MDGA2: variants seen among roughly 807,000 people sequenced by gnomAD.
MDGA2 encodes MAM domain-containing glycosylphosphatidylinositol anchor protein 2.
A neutral mutation model predicts 117.8 loss-of-function variants in MDGA2; 40 were observed. The observed-to-expected ratio is 0.34, with a 90% CI of 0.26 to 0.44. The LOEUF (loss-of-function observed/expected upper bound fraction) is 0.44. Among genes scored for constraint, MDGA2 ranks in the 20% least tolerant of loss-of-function variants. The pLI is 1.00. For synonymous variants in MDGA2, 452 were observed against 439.0 expected, an observed-to-expected ratio of 1.03 and a Z score of -0.37; for missense variants, 1,123 against 1,250.6, an observed-to-expected ratio of 0.90 and a Z score of 1.54.
At chr14:47,378,371 G>A (rs750089224) in intron 1 of MDGA2, among the ~76,000 whole-genome samples, 4 of 152,160 alleles carry the variant, frequency 2.6e-5, no homozygotes, top group Non-Finnish European at 4.4e-5. Flanking sequence ...TGAATTTGAT[G>A]AGTTGAGTGA....
rs1186421912 is a variant in MDGA2, at chr14:47,312,688, G to GTTTTTTTTTTTT, written c.281-11139_281-11138insAAAAAAAAAAAA. Among the ~76,000 whole-genome samples, 14 of 104,284 alleles carry GTTTTTTTTTTTT rather than the reference G, an allele frequency of 1.3e-4. 1 individual carries two copies. The East Asian group carries it at 2.2e-3, about 16-fold the overall frequency. 68.4% of individuals were successfully genotyped at this position (104,284 alleles called of 152,430 possible). ...CCAGCTAGTTTTTAGTTTTTTTTTT[G>GTTTTTTTTTTTT]TTTTGTTTTGTTTTTTTTTTTTGTA... On this transcript the variant is annotated intron_variant, in intron 1 of 16. Coordinates refer to ENST00000399232, the MANE Select transcript of MDGA2 (RefSeq NM_001113498.3).
intron 1 of MDGA2, among the ~76,000 whole-genome samples, chr14:47,656,554 T>C (rs907094290): frequency 6.6e-6 from 1 of 152,174 alleles, no homozygotes. Context: ...ATAGTCTTAT[T>C]GGCAGCAGTG....
intron 1 of MDGA2, among the ~76,000 whole-genome samples, chr14:47,628,858 T>C (rs573630652): frequency 6.6e-6 from 1 of 152,324 alleles, no homozygotes; most frequent in East Asian, 1.9e-4. Flanking sequence ...TTTGAGGACT[T>C]TCCTCCTTGC....
chr14:47,035,277 T>C lies in MDGA2; in HGVS notation c.1553A>G (p.Glu518Gly). ...TTCTCTGGTGACCAATGGTGATTTTTCCTGTGGAACAGTCAGATTGGGTGG... is the reference window on the plus strand; with the variant it reads ...TTCTCTGGTGACCAATGGTGATTTTCCCTGTGGAACAGTCAGATTGGGTGG... ...TVPPNLTVPQ[E>G]KSPLVTREGD... The change falls in exon 8 of 17, where the codon GAA becomes GGA. Residue 518 changes from glutamate to glycine, a missense_variant. Physicochemically the swap from Glu to Gly is moderately conservative, Grantham distance 98. Around this residue, in one of 2 missense-constraint regions of MDGA2, gnomAD observed 890 missense variants for 1,050.3 expected, o/e 0.85. Transcript: ENST00000399232. 4 of 1,613,936 alleles carry C rather than the reference T, an allele frequency of 2.5e-6. No individual in the cohort carries two copies. The highest frequency in any genetic ancestry group is 3.4e-6 in the Non-Finnish European group (4 of 1,179,896).
chr14:47,169,262 T>G (rs1884021212), intron 3 of MDGA2, among the ~76,000 whole-genome samples: 1 of 151,948 alleles, frequency 6.6e-6, no homozygotes, highest in African/African-American at 2.4e-5. Context: ...TAACAACTAA[T>G]TTCCTTTCAG....
chr14:47,512,588 G>A (rs1894664568), intron 1 of MDGA2, among the ~76,000 whole-genome samples: 1 of 152,068 alleles, frequency 6.6e-6, no homozygotes, highest in South Asian at 2.1e-4. Flanking sequence ...ATCTATCGTA[G>A]TCCATGCCAA....
intron 1 of MDGA2, among the ~76,000 whole-genome samples, chr14:47,541,608 T>C (rs1437896784): frequency 3.3e-5 from 5 of 152,122 alleles, no homozygotes; most frequent in Non-Finnish European, 7.4e-5. Context: ...CCACACATAG[T>C]AAATTTTCAG....
intron 1 of MDGA2, among the ~76,000 whole-genome samples, chr14:47,574,486 A>G (rs1566522677): frequency 1.3e-5 from 2 of 152,176 alleles, no homozygotes. Flanking sequence ...GACTAAATAC[A>G]ATTTTCAAAT....
chr14:47,322,992 C>T (rs779796089), intron 1 of MDGA2, among the ~76,000 whole-genome samples: 5 of 151,788 alleles, frequency 3.3e-5, no homozygotes, highest in Admixed American at 1.3e-4. Flanking sequence ...AGTTGCCATA[C>T]ATAATGAAGG....
chr14:47,054,216 C>T (rs1200368148), intron 7 of MDGA2, among the ~76,000 whole-genome samples: 1 of 152,000 alleles, frequency 6.6e-6, no homozygotes, highest in Non-Finnish European at 1.5e-5. Context: ...TTTCCTCAAA[C>T]TTTGCCTTGT....
chr14:47,280,465 C>T (rs1888450696), intron 2 of MDGA2, among the ~76,000 whole-genome samples: 1 of 151,766 alleles, frequency 6.6e-6, no homozygotes, highest in Admixed American at 6.6e-5. Context: ...GAAGTTACTA[C>T]ATTCAAGGTT....
intron 8 of MDGA2, among the ~76,000 whole-genome samples, chr14:46,995,800 T>C (rs1887267424): frequency 6.6e-6 from 1 of 152,014 alleles, no homozygotes; most frequent in Non-Finnish European, 1.5e-5. Context: ...ATTTCTTTAA[T>C]ATAAAATTAT....
intron 3 of MDGA2, among the ~76,000 whole-genome samples, chr14:47,206,092 C>T (rs1885672480): frequency 6.6e-6 from 1 of 152,002 alleles, no homozygotes; most frequent in African/African-American, 2.4e-5. Context: ...TAATTTGTAA[C>T]ACTGGGTTTT....
At chr14:47,286,374 C>T (rs1888670225) in intron 2 of MDGA2, among the ~76,000 whole-genome samples, 1 of 151,976 alleles carries the variant, frequency 6.6e-6, no homozygotes, top group Non-Finnish European at 1.5e-5. Context: ...CTCTTTATCC[C>T]ACCTTCCCTA....
intron 15 of MDGA2, among the ~76,000 whole-genome samples, chr14:46,846,385 C>A (rs1185165004): frequency 2.6e-5 from 4 of 152,058 alleles, no homozygotes; most frequent in Admixed American, 6.6e-5. Flanking sequence ...TGAATAGGTT[C>A]GTCATATTCC....
intron 3 of MDGA2, among the ~76,000 whole-genome samples, chr14:47,151,599 C>T (rs1034929266): frequency 2.8e-4 from 42 of 151,690 alleles, no homozygotes; most frequent in African/African-American, 1.0e-3. Flanking sequence ...TTATATTTAT[C>T]TCTTTAAAAT....
intron 2 of MDGA2, among the ~76,000 whole-genome samples, chr14:47,295,737 T>C (rs10144713): frequency 0.95 from 145,188 of 152,030 alleles, 69,347 homozygotes; most frequent in East Asian, 1. Context: ...AACTGGGTCT[T>C]TATTAAAAAT....
chr14:47,467,447 G>A (rs1893627439), intron 1 of MDGA2, among the ~76,000 whole-genome samples: 1 of 152,130 alleles, frequency 6.6e-6, no homozygotes, highest in African/African-American at 2.4e-5. Context: ...TCTGGGGAAG[G>A]AGACTGTCAC....
intron 1 of MDGA2, among the ~76,000 whole-genome samples, chr14:47,387,591 T>C (rs189707585): frequency 1.3e-5 from 2 of 152,226 alleles, no homozygotes; most frequent in Admixed American, 1.3e-4. Context: ...GAAGTTGTTC[T>C]AAATTATGCT....
Sources: gnomAD v4.1 joint callset for allele counts (sites outside exome capture counted in the v4.1 genomes callset) on GRCh38, gnomAD v4.1.1 for gene constraint, gnomAD v4.1.1 regional missense constraint, MANE v1.5 for transcripts, NCBI Gene and HGNC (gene_info 2026-07-23, HGNC 2026-07-21) for gene names.